The following TBC1D22A variants were observed in gnomAD, a reference collection of about 807,000 sequenced individuals.
TBC1D22A encodes the protein TBC1 domain family member 22A.
Under a neutral mutation model 60.2 loss-of-function variants are expected in TBC1D22A, and 38 were observed. The observed-to-expected ratio is 0.63, with a 90% CI of 0.49 to 0.83. The LOEUF (loss-of-function observed/expected upper bound fraction) is 0.83, where lower values mean the gene tolerates loss of function less well. TBC1D22A is among the 40% of genes least tolerant of loss of function. The pLI is 0.00. For missense variants in TBC1D22A, 628 were observed against 701.0 expected (o/e 0.90, Z 1.18); for synonymous variants, 302 against 281.7 (o/e 1.07, Z -0.72).
At chr22:46,764,618 G>A (rs1395066044) in intron 1 of TBC1D22A, among the ~76,000 whole-genome samples, 2 of 152,192 alleles carry the variant, frequency 1.3e-5, no homozygotes, top group African/African-American at 4.8e-5. Flanking sequence ...TAGGGTTTTT[G>A]CACAAGTAAT....
At chr22:46,775,408 CTA>C (rs1421972525) in intron 1 of TBC1D22A, among the ~76,000 whole-genome samples, 1 of 152,224 alleles carries the variant, frequency 6.6e-6, no homozygotes, top group African/African-American at 2.4e-5. Flanking sequence ...TTTATAGAAT[CTA>C]TGACTATTTT....
intron 4 of TBC1D22A, among the ~76,000 whole-genome samples, chr22:46,809,154 G>A (rs912359718): frequency 1.3e-5 from 2 of 152,222 alleles, no homozygotes; most frequent in African/African-American, 4.8e-5. Context: ...CCAGGACCGG[G>A]GTGCTGGCTG....
intron 10 of TBC1D22A, among the ~76,000 whole-genome samples, chr22:47,020,045 C>T (rs918480020): frequency 6.6e-6 from 1 of 152,116 alleles, no homozygotes; most frequent in Non-Finnish European, 1.5e-5. Flanking sequence ...TCCCCCCACC[C>T]ATGTCTCAGC....
At chr22:47,156,954 G>A (rs756013274) in intron 12 of TBC1D22A, among the ~76,000 whole-genome samples, 8 of 152,192 alleles carry the variant, frequency 5.3e-5, no homozygotes, top group Non-Finnish European at 7.4e-5. Flanking sequence ...AAGGCACCGG[G>A]CTGCTTGTGC....
chr22:46,952,391 G>A (rs1451397407), intron 8 of TBC1D22A, among the ~76,000 whole-genome samples: 2 of 150,624 alleles, frequency 1.3e-5, no homozygotes, highest in Admixed American at 1.3e-4. Flanking sequence ...TTGCATGCTA[G>A]TGTCTTCATT....
intron 10 of TBC1D22A, among the ~76,000 whole-genome samples, chr22:47,013,404 G>T (rs576070471): frequency 6.6e-6 from 1 of 152,014 alleles, no homozygotes; most frequent in Non-Finnish European, 1.5e-5. Flanking sequence ...TAATTAAATT[G>T]TAAGTAGAGA....
intron 10 of TBC1D22A, among the ~76,000 whole-genome samples, chr22:47,031,230 C>T (rs745587390): frequency 6.6e-6 from 1 of 152,230 alleles, no homozygotes; most frequent in Non-Finnish European, 1.5e-5. Flanking sequence ...GAAGGCCAGG[C>T]ACTCAGGACA....
At chr22:47,071,008 T>C (rs2063965702) in intron 11 of TBC1D22A, among the ~76,000 whole-genome samples, 1 of 152,274 alleles carries the variant, frequency 6.6e-6, no homozygotes. Context: ...GGCCCAATAA[T>C]TCCATTTCTG....
chr22:46,941,985 A>G (rs1199154127), intron 8 of TBC1D22A, among the ~76,000 whole-genome samples: 8 of 145,948 alleles, frequency 5.5e-5, no homozygotes, highest in Non-Finnish European at 1.0e-4. Flanking sequence ...CTTGAACAGC[A>G]TGGGGCCTGG....
At chr22:47,115,267 C>T (rs1179513295) in intron 12 of TBC1D22A, among the ~76,000 whole-genome samples, 1 of 152,172 alleles carries the variant, frequency 6.6e-6, no homozygotes, top group Non-Finnish European at 1.5e-5. Context: ...CAGGCACATG[C>T]CCCATGCCAT....
At chr22:47,075,579 G>T (rs987667059) in intron 11 of TBC1D22A, among the ~76,000 whole-genome samples, 1 of 152,140 alleles carries the variant, frequency 6.6e-6, no homozygotes, top group Non-Finnish European at 1.5e-5. Context: ...TAAATTAGTA[G>T]AGGGAAAAAG....
At chr22:47,038,741 A>G (rs1041064217) in intron 11 of TBC1D22A, among the ~76,000 whole-genome samples, 4 of 152,142 alleles carry the variant, frequency 2.6e-5, no homozygotes, top group African/African-American at 7.2e-5. Context: ...GTCTGGTCTA[A>G]TGATCTCACT....
intron 7 of TBC1D22A, among the ~76,000 whole-genome samples, chr22:46,903,293 C>T (rs1010636344): frequency 3.9e-5 from 6 of 152,170 alleles, no homozygotes; most frequent in African/African-American, 1.4e-4. Flanking sequence ...CGAGAACCCA[C>T]AGGATGGTAG....
rs549383096 is a variant in TBC1D22A, at chr22:47,030,577, G to A, written c.1202-6494G>A. ...TTCCTGGTGACTTTACAACAATAACGTTGCCTTGCCCTGCCACATAAGGGC... is the reference window on the plus strand; with the variant it reads ...TTCCTGGTGACTTTACAACAATAACATTGCCTTGCCCTGCCACATAAGGGC... On this transcript the variant is annotated intron_variant, in intron 10 of 12. Transcript: ENST00000337137. Among the ~76,000 whole-genome samples, 20 of 152,204 alleles carry A rather than the reference G, an allele frequency of 1.3e-4. No homozygotes were observed. In the South Asian group the frequency reaches 3.5e-3, roughly 27 times the overall value.
At chr22:47,113,788 C>T (rs550068087) in intron 12 of TBC1D22A, among the ~76,000 whole-genome samples, 15 of 152,126 alleles carry the variant, frequency 9.9e-5, no homozygotes, top group South Asian at 4.1e-4. Context: ...AGTGTCACTC[C>T]GGCCCTGGAG....
chr22:46,763,556 C>T (rs2083185579), intron 1 of TBC1D22A, among the ~76,000 whole-genome samples: 2 of 151,694 alleles, frequency 1.3e-5, no homozygotes, highest in South Asian at 4.2e-4. Context: ...GTGGAGGGTA[C>T]CTAGGATAAA....
intron 8 of TBC1D22A, among the ~76,000 whole-genome samples, chr22:46,957,585 A>G (rs2073270469): frequency 6.6e-6 from 1 of 152,216 alleles, no homozygotes; most frequent in Non-Finnish European, 1.5e-5. Flanking sequence ...TTACAATTGG[A>G]GATGAGACTT....
At position 46,793,606 on chromosome 22, in the gene TBC1D22A, G is replaced by T. The variant is rs1766277091; in HGVS notation, c.225G>T (p.Gly75=). 1.2e-6 allele frequency: 2 copies of T among 1,613,866 alleles called. No homozygotes were observed. The highest frequency in any genetic ancestry group is 1.7e-5 in the Admixed American group (1 of 60,004). Residue 75 remains glycine, a synonymous_variant, in exon 3 of 13, where the codon GGG becomes GGT. Transcript: ENST00000337137. ...ATACCAGCGATGCCTGGGACGCTGG[G>T]GAGGACGACGATGAGCTCCTGGCCA... ...ESNTSDAWDA[G]EDDDELLAMA... is the part of the protein sequence containing the mutation.
At chr22:46,856,456 A>C (rs1172238983) in intron 4 of TBC1D22A, among the ~76,000 whole-genome samples, 1 of 152,250 alleles carries the variant, frequency 6.6e-6, no homozygotes, top group East Asian at 1.9e-4. Flanking sequence ...TAAAAATGTG[A>C]ACTTCAAGCT....
Sources: gnomAD v4.1 joint callset for allele counts (sites outside exome capture counted in the v4.1 genomes callset) on GRCh38, gnomAD v4.1.1 for gene constraint, MANE v1.5 for transcripts, NCBI Gene and HGNC (gene_info 2026-07-23, HGNC 2026-07-21) for gene names.